PDE7A: variants seen among roughly 807,000 people sequenced by gnomAD.
PDE7A encodes phosphodiesterase 7A, also known as high affinity 3',5'-cyclic-AMP phosphodiesterase 7A.
A neutral mutation model predicts 64.3 loss-of-function variants in PDE7A; 39 were observed. The ratio of observed to expected loss-of-function variants is 0.61; its 90% CI spans 0.47 to 0.79. The LOEUF (loss-of-function observed/expected upper bound fraction) is 0.79, where lower values mean the gene tolerates loss of function less well. Ranked by LOEUF, PDE7A falls within the 30% of genes least tolerant of loss-of-function variation. PDE7A has a pLI of 0.00. For synonymous variants in PDE7A, 203 were observed against 206.8 expected (o/e 0.98, Z 0.16); for missense variants, 470 against 582.8 (o/e 0.81, Z 1.99).
At chr8:65,722,355 G>A (rs1327075674) in intron 12 of PDE7A, 1 of 152,240 alleles carries the variant, frequency 6.6e-6, no homozygotes, top group Non-Finnish European at 1.5e-5. Context: ...TCTTCCATGA[G>A]TATCCATTGC....
intron 3 of PDE7A, among the ~76,000 whole-genome samples, chr8:65,759,247 T>C (rs923285196): frequency 5.9e-5 from 9 of 152,210 alleles, no homozygotes; most frequent in African/African-American, 2.2e-4. Context: ...TCCTTAAGTG[T>C]CTGGCTCCAA....
intron 4 of PDE7A, among the ~76,000 whole-genome samples, chr8:65,747,053 A>C (rs1807704483): frequency 6.6e-6 from 1 of 152,252 alleles, no homozygotes; most frequent in Non-Finnish European, 1.5e-5. Flanking sequence ...AATTATATAA[A>C]GAGGAAGTAA....
chr8:65,795,180 T>A (rs1471692638), intron 1 of PDE7A, among the ~76,000 whole-genome samples: 1 of 152,254 alleles, frequency 6.6e-6, no homozygotes, highest in Non-Finnish European at 1.5e-5. Flanking sequence ...TGTTTTCAGA[T>A]GTTAGACAGC....
intron 3 of PDE7A, among the ~76,000 whole-genome samples, chr8:65,769,712 A>G (rs1808984212): frequency 6.6e-6 from 1 of 152,182 alleles, no homozygotes; most frequent in African/African-American, 2.4e-5. Flanking sequence ...CCTGGCCAAC[A>G]TAGTGAAACC....
At chr8:65,770,769 C>T (rs2128920419) in intron 3 of PDE7A, among the ~76,000 whole-genome samples, 1 of 152,348 alleles carries the variant, frequency 6.6e-6, no homozygotes. Flanking sequence ...TATTACCAAA[C>T]TGCCCTCCAG....
Position 65,737,814 on chromosome 8 carries a change from C to T in PDE7A, c.595+1688G>A, listed in dbSNP as rs572112899. On this transcript the variant is annotated intron_variant, in intron 6 of 12. Transcript: ENST00000401827. The stretch of plus-strand genomic sequence containing the variant: ...GATTACAGGCGTGAGCCACCATGCC[C>T]AGCATGTATGAAATATTAAATGTCC... 6.6e-5 allele frequency among the ~76,000 whole-genome samples: 10 copies of T among 152,204 alleles called. No homozygotes were observed. In the East Asian group the frequency reaches 1.2e-3, roughly 18 times the overall value.
rs968511304 is a variant in PDE7A, at chr8:65,723,604, A to T, written c.1180T>A (p.Tyr394Asn). 27 of 1,571,602 alleles carry T rather than the reference A, an allele frequency of 1.7e-5. No homozygotes were observed. In the African/African-American group the frequency reaches 2.9e-4, roughly 17 times the overall value. The part of the protein sequence containing the change: ...FFHQGDIEKK[Y>N]HLGVSPLCDR... The stretch of plus-strand genomic sequence containing the variant: ...CAAAGTGGACTCACACCCAAATGAT[A>T]TTTTTTTTCTATATCTCCTATAAAT... Residue 394 changes from tyrosine to asparagine, a missense_variant, in exon 12 of 13, where the codon TAT (tyrosine) becomes AAT (asparagine). By Grantham distance (143) the Tyr-to-Asn change is moderately radical. Coordinates refer to ENST00000401827, the MANE Select transcript of PDE7A (RefSeq NM_001242318.3).
Position 65,715,978 on chromosome 8 carries a change from C to A in PDE7A, c.*3312G>T, listed in dbSNP as rs1806120148. On this transcript the variant is annotated 3_prime_UTR_variant, in exon 13 of 13. Coordinates refer to ENST00000401827, the MANE Select transcript of PDE7A (RefSeq NM_001242318.3). ...CGGCACTGCACTCCAGCCTGGGCGACAGAGCAAGGCTCTGTCTCAAAAAAA... is the reference window on the plus strand; with the variant it reads ...CGGCACTGCACTCCAGCCTGGGCGAAAGAGCAAGGCTCTGTCTCAAAAAAA... 9.1e-6 allele frequency among the ~76,000 whole-genome samples: 1 copy of A among 109,628 alleles called. No homozygotes were observed. Among genetic ancestry groups the A allele is most frequent in the African/African-American group, 3.6e-5 (1 of 27,804 alleles). The allele number at this position is 109,628 out of a possible 152,430, so 71.9% of individuals were successfully genotyped here. A position where few individuals can be genotyped will look rare whatever the true frequency, so the allele number is the denominator to read the frequency against.
At chr8:65,808,956 T>C (rs1810176034) in intron 1 of PDE7A, among the ~76,000 whole-genome samples, 2 of 152,220 alleles carry the variant, frequency 1.3e-5, no homozygotes, top group Non-Finnish European at 2.9e-5. Context: ...TCTTCACACA[T>C]AATCGCTTTG....
chr8:65,729,796 T>C (rs1585834582), intron 7 of PDE7A, among the ~76,000 whole-genome samples: 1 of 151,770 alleles, frequency 6.6e-6, no homozygotes, highest in East Asian at 1.9e-4. Flanking sequence ...CTCGAATTCC[T>C]AATCTCAGGT....
At chr8:65,733,218 T>G (rs867286226) in intron 7 of PDE7A, among the ~76,000 whole-genome samples, 2 of 152,194 alleles carry the variant, frequency 1.3e-5, no homozygotes. Flanking sequence ...TTTGTCCACA[T>G]GCATCCCCAC....
chr8:65,779,859 C>T, intron 2 of PDE7A, 56 bp from the exon 3 acceptor site: 2 of 1,083,728 alleles, frequency 1.8e-6, no homozygotes, highest in Non-Finnish European at 2.8e-6. Context: ...CGGGAAGAAG[C>T]TTCCATATGC....
At chr8:65,765,579 A>C (rs1808741531) in intron 3 of PDE7A, 1 of 151,918 alleles carries the variant, frequency 6.6e-6, no homozygotes, top group African/African-American at 2.4e-5. Flanking sequence ...AAGAGTAAAA[A>C]GAAAATGGAA....
intron 1 of PDE7A, among the ~76,000 whole-genome samples, chr8:65,799,475 AG>A (rs1200418371): frequency 1.3e-5 from 2 of 152,178 alleles, no homozygotes; most frequent in African/African-American, 4.8e-5. Flanking sequence ...TAGGTCCCAG[AG>A]TGGAATGGAT....
At chr8:65,797,690 C>T (rs983466593) in intron 1 of PDE7A, among the ~76,000 whole-genome samples, 3 of 152,134 alleles carry the variant, frequency 2.0e-5, no homozygotes, top group African/African-American at 7.2e-5. Context: ...CTCAAAATCC[C>T]AGCAGACTTT....
intron 1 of PDE7A, among the ~76,000 whole-genome samples, chr8:65,815,354 C>G (rs536863246): frequency 1.3e-5 from 2 of 152,094 alleles, no homozygotes; most frequent in African/African-American, 4.8e-5. Flanking sequence ...CAGTTTTTTT[C>G]AAATCTAATT....
chr8:65,808,464 A>T (rs939267571), intron 1 of PDE7A, among the ~76,000 whole-genome samples: 3 of 152,218 alleles, frequency 2.0e-5, no homozygotes, highest in African/African-American at 7.2e-5. Context: ...CACCGACATT[A>T]TAAGTTTTTT....
At chr8:65,841,064 G>C (rs1021327924) in intron 1 of PDE7A, among the ~76,000 whole-genome samples, 1 of 152,212 alleles carries the variant, frequency 6.6e-6, no homozygotes, top group African/African-American at 2.4e-5. Context: ...TCAACTTCCA[G>C]ACCGAAAAAG....
intron 1 of PDE7A, among the ~76,000 whole-genome samples, chr8:65,840,793 T>G (rs1216528058): frequency 6.6e-6 from 1 of 152,234 alleles, no homozygotes; most frequent in Non-Finnish European, 1.5e-5. Context: ...TTCCTGGCTA[T>G]GAACTTTGCA....
Sources: allele counts gnomAD v4.1 joint callset (sites outside exome capture counted in the v4.1 genomes callset), GRCh38; gene constraint gnomAD v4.1.1; transcripts MANE v1.5; gene names NCBI Gene and HGNC (gene_info 2026-07-23, HGNC 2026-07-21).